Variants in NEMP2 observed in about 807,000 individuals in gnomAD.
The protein encoded by NEMP2 is UPF0571 transmembrane protein.
In NEMP2, 53 loss-of-function variants were observed where a neutral mutation model predicts 54.2. That is an observed-to-expected ratio of 0.98 (90% confidence interval 0.78 to 1.23). The LOEUF (loss-of-function observed/expected upper bound fraction) is 1.23, where lower values mean the gene tolerates loss of function less well. Ranked by LOEUF, NEMP2 falls within the 50% of genes most tolerant of loss-of-function variation. The pLI is 0.00. For missense variants in NEMP2, 455 were observed against 511.3 expected (o/e 0.89, Z 1.06); for synonymous variants, 197 against 190.3 (o/e 1.04, Z -0.29).
the NEMP2 span, among the ~76,000 whole-genome samples, chr2:190,621,678 A>G: frequency 6.6e-6 from 1 of 152,168 alleles, no homozygotes; most frequent in African/African-American, 2.4e-5. Flanking sequence ...ACAGTGCAGT[A>G]GTGGCATAAG....
At chr2:190,446,897 T>C in the NEMP2 span, among the ~76,000 whole-genome samples, 2 of 152,098 alleles carry the variant, frequency 1.3e-5, no homozygotes, top group Non-Finnish European at 2.9e-5. Context: ...ATTTCAGGGG[T>C]GAGGGACTTA....
At chr2:190,539,093 T>G (rs1691466977), upstream of NEMP2, among the ~76,000 whole-genome samples, 2 of 152,206 alleles carry the variant, frequency 1.3e-5, no homozygotes, top group Admixed American at 1.3e-4. The surrounding 1 kb of genome is among the most constrained non-coding windows in gnomAD (Gnocchi z 4.1). Context: ...GTCTTAGATT[T>G]AAGCCTTTAA....
At chr2:190,427,934 G>A in the NEMP2 span, among the ~76,000 whole-genome samples, 76 of 152,160 alleles carry the variant, frequency 5.0e-4, 1 homozygote, top group Non-Finnish European at 8.8e-4. Context: ...GTTTCACCAC[G>A]TTGATCAGAC....
upstream of NEMP2, chr2:190,535,003 C>T (rs559862823): frequency 4.9e-6 from 1 of 204,284 alleles, no homozygotes; most frequent in Non-Finnish European, 9.8e-6. Context: ...GGCCGTGTCC[C>T]GCTGCCCTCG....
At chr2:190,426,339 A>G in the NEMP2 span, among the ~76,000 whole-genome samples, 1 of 152,056 alleles carries the variant, frequency 6.6e-6, no homozygotes, top group Non-Finnish European at 1.5e-5. The surrounding 1 kb of genome is among the most constrained non-coding windows in gnomAD (Gnocchi z 4.7). Flanking sequence ...AAGTGTATCC[A>G]TTAAGATTTA....
At chr2:190,516,721 T>G (rs768883449) in intron 5 of NEMP2, among the ~76,000 whole-genome samples, 2 of 152,232 alleles carry the variant, frequency 1.3e-5, no homozygotes, top group South Asian at 4.1e-4. Flanking sequence ...ATGCTGCTGT[T>G]GCAAACTTTA....
rs771154038 is a variant in NEMP2 at position 190,528,070 on chromosome 2, AAAG to A, written c.98-2695_98-2693del. 1.5e-4 allele frequency among the ~76,000 whole-genome samples: 23 copies of A among 152,204 alleles called. No homozygotes were observed. Among genetic ancestry groups the A allele is most frequent in the Admixed American group, 5.2e-4 (8 of 15,280 alleles). On this transcript the variant is annotated intron_variant, in intron 1 of 8. Transcript: ENST00000409150. The surrounding 1 kb of genome is among the most constrained non-coding windows in gnomAD (Gnocchi z 4.3). ...ATGGTGTGTCCATGCACAAGAGCCA[AAAG>A]AAGAATTCACAACCAGGGCTATGAA... is the stretch of plus-strand genomic sequence containing the variant.
chr2:190,591,348 T>C, the NEMP2 span, among the ~76,000 whole-genome samples: 128 of 152,304 alleles, frequency 8.4e-4, no homozygotes, highest in East Asian at 0.018. The surrounding 1 kb of genome is among the most constrained non-coding windows in gnomAD (Gnocchi z 5.4). Flanking sequence ...CTGATAGCTA[T>C]GAATATGTTC....
chr2:190,422,904 A>G, the NEMP2 span, among the ~76,000 whole-genome samples: 13 of 148,592 alleles, frequency 8.7e-5, no homozygotes, highest in Non-Finnish European at 1.6e-4. Context: ...TTTTCTTCAT[A>G]TTAAGTTCTT....
At chr2:190,561,919 A>T in the NEMP2 span, among the ~76,000 whole-genome samples, 12 of 152,324 alleles carry the variant, frequency 7.9e-5, no homozygotes, top group African/African-American at 2.6e-4. This position sits in a 1 kb window ranked among gnomAD's most constrained non-coding sequence, Gnocchi z 5.4. Context: ...AAAATTTTTT[A>T]AAATAAGAGG....
chr2:190,643,054 A>T, the NEMP2 span, among the ~76,000 whole-genome samples: 1 of 140,510 alleles, frequency 7.1e-6, no homozygotes, highest in Non-Finnish European at 1.5e-5. Context: ...TTGGGTCAAA[A>T]GAATCCCTTA....
the NEMP2 span, among the ~76,000 whole-genome samples, chr2:190,472,582 G>A: frequency 5.3e-5 from 8 of 152,174 alleles, no homozygotes; most frequent in African/African-American, 1.7e-4. Flanking sequence ...AAATATGGGA[G>A]TATGTGAAAA....
the NEMP2 span, among the ~76,000 whole-genome samples, chr2:190,447,320 G>A: frequency 6.6e-6 from 1 of 152,188 alleles, no homozygotes; most frequent in African/African-American, 2.4e-5. The surrounding 1 kb of genome is among the most constrained non-coding windows in gnomAD (Gnocchi z 4.5). Flanking sequence ...GTGATTGAGC[G>A]AAACTGTGAG....
chr2:190,566,715 AAAG>A, the NEMP2 span, among the ~76,000 whole-genome samples: 33,336 of 142,110 alleles, frequency 0.23, 4,773 homozygotes, highest in Non-Finnish European at 0.33. Context: ...GGAGGGAAGA[AAAG>A]AAAGAAAGAA....
rs1268932282 is a variant in NEMP2, at chr2:190,514,917, T to C, written c.728-239A>G. On this transcript the variant is annotated intron_variant, in intron 6 of 8. Coordinates refer to ENST00000409150, the MANE Select transcript of NEMP2 (RefSeq NM_001142645.2). This position sits in a 1 kb window ranked among gnomAD's most constrained non-coding sequence, Gnocchi z 5.7. Reference sequence around the variant, plus strand: ...TCATTATTATGATGATACATAAGTATGTCTGTGTTTTAGTCCAGCACCCTG... The same window carrying C: ...TCATTATTATGATGATACATAAGTACGTCTGTGTTTTAGTCCAGCACCCTG... Among the ~76,000 whole-genome samples the C allele has an allele frequency of 6.6e-6, 1 of 152,210 alleles. No homozygotes were observed. The highest frequency in any genetic ancestry group is 2.4e-5 in the African/African-American group (1 of 41,446).
At chr2:190,625,456 G>C in the NEMP2 span, 1 of 152,110 alleles carries the variant, frequency 6.6e-6, no homozygotes, top group Admixed American at 6.5e-5. Context: ...CTTCTTTTTC[G>C]GGTAATGAAA....
At chr2:190,587,276 T>A in the NEMP2 span, among the ~76,000 whole-genome samples, 1 of 152,200 alleles carries the variant, frequency 6.6e-6, no homozygotes, top group Non-Finnish European at 1.5e-5. This position sits in a 1 kb window ranked among gnomAD's most constrained non-coding sequence, Gnocchi z 5.4. Flanking sequence ...GCGTACTTAC[T>A]GACCATTATA....
At chr2:190,615,693 G>T in the NEMP2 span, among the ~76,000 whole-genome samples, 1 of 152,302 alleles carries the variant, frequency 6.6e-6, no homozygotes, top group South Asian at 2.1e-4. This position sits in a 1 kb window ranked among gnomAD's most constrained non-coding sequence, Gnocchi z 4.7. Context: ...CACTAGGTTG[G>T]TTCCTGTGGC....
the NEMP2 span, among the ~76,000 whole-genome samples, chr2:190,577,742 G>A: frequency 0.28 from 41,980 of 152,000 alleles, 6,541 homozygotes; most frequent in Admixed American, 0.45. The surrounding 1 kb of genome is among the most constrained non-coding windows in gnomAD (Gnocchi z 4.8). Flanking sequence ...GTGTGATGGC[G>A]CATGCCTTTA....
Sources: gnomAD v4.1 joint callset for allele counts (sites outside exome capture counted in the v4.1 genomes callset) on GRCh38, gnomAD v4.1.1 for gene constraint, Gnocchi (gnomAD v3.1) non-coding constraint, MANE v1.5 for transcripts, NCBI Gene and HGNC (gene_info 2026-07-23, HGNC 2026-07-21) for gene names.